Variants in RNF220 observed in about 807,000 individuals in gnomAD.
RNF220 encodes ring finger protein 220.
Under a neutral mutation model 67.1 loss-of-function variants are expected in RNF220, and 7 were observed. The observed-to-expected ratio is 0.10, with a 90% CI of 0.06 to 0.20. The LOEUF (loss-of-function observed/expected upper bound fraction) is 0.20. RNF220 is among the 10% of genes least tolerant of loss of function. The pLI, the probability that RNF220 is intolerant of heterozygous loss-of-function variation, is 1.00. For synonymous variants in RNF220, 270 were observed against 283.2 expected, an observed-to-expected ratio of 0.95 and a Z score of 0.47; for missense variants, 565 against 740.3, an observed-to-expected ratio of 0.76 and a Z score of 2.75.
At chr1:44,420,061 G>A (rs539204019) in intron 2 of RNF220, among the ~76,000 whole-genome samples, 1 of 152,266 alleles carries the variant, frequency 6.6e-6, no homozygotes, top group African/African-American at 2.4e-5. Flanking sequence ...CAAGTGATGT[G>A]GAGGTTTTGT....
At chr1:44,426,117 G>A (rs895672141) in intron 2 of RNF220, among the ~76,000 whole-genome samples, 5 of 152,146 alleles carry the variant, frequency 3.3e-5, no homozygotes, top group African/African-American at 1.2e-4. Flanking sequence ...TTTACCCTTT[G>A]CCTTTCTTCT....
At chr1:44,467,551 C>T (rs1442035492) in intron 2 of RNF220, among the ~76,000 whole-genome samples, 1 of 152,164 alleles carries the variant, frequency 6.6e-6, no homozygotes, top group African/African-American at 2.4e-5. Flanking sequence ...CATCTCTCGG[C>T]CTTCATAGAA....
At chr1:44,457,549 A>G (rs1653317407) in intron 2 of RNF220, among the ~76,000 whole-genome samples, 1 of 140,786 alleles carries the variant, frequency 7.1e-6, no homozygotes, top group Non-Finnish European at 1.5e-5. Flanking sequence ...GCGGGATACT[A>G]CTTATAACCT....
At position 44,532,904 on chromosome 1, in the gene RNF220, A is replaced by G. The variant is rs270748; in HGVS notation, c.626-81261A>G. On this transcript the variant is annotated intron_variant, in intron 2 of 14. Coordinates refer to ENST00000361799, the MANE Select transcript of RNF220 (RefSeq NM_018150.4). ...GAAGACCTTCTTGTCACAGCAGGGGAGGAAGAGGGGAGCTCCAGCTCCCTA... is the reference window on the plus strand; with the variant it reads ...GAAGACCTTCTTGTCACAGCAGGGGGGGAAGAGGGGAGCTCCAGCTCCCTA... Among the ~76,000 whole-genome samples the G allele has an allele frequency of 1.8e-3, 267 of 152,238 alleles. 2 individuals are homozygous for G. The highest frequency in any genetic ancestry group is 6.3e-3 in the African/African-American group (261 of 41,552).
chr1:44,614,070 G>T, intron 2 of RNF220, 95 bp from the exon 3 acceptor site: 1 of 1,545,824 alleles, frequency 6.5e-7, no homozygotes, highest in South Asian at 1.2e-5. Flanking sequence ...AGCCCTAGAG[G>T]GCAGCAGCAG....
intron 2 of RNF220, among the ~76,000 whole-genome samples, chr1:44,515,213 T>G (rs1239305518): frequency 6.6e-6 from 1 of 152,092 alleles, no homozygotes; most frequent in Non-Finnish European, 1.5e-5. Flanking sequence ...TCAAGACCAC[T>G]AGGGGAATCC....
chr1:44,518,538 T>C (rs1294113626), intron 2 of RNF220, among the ~76,000 whole-genome samples: 1 of 151,960 alleles, frequency 6.6e-6, no homozygotes, highest in African/African-American at 2.4e-5. Flanking sequence ...AGGCAGTGCA[T>C]GGTATTCCTG....
intron 2 of RNF220, among the ~76,000 whole-genome samples, chr1:44,604,839 T>C (rs999127427): frequency 6.6e-6 from 1 of 152,210 alleles, no homozygotes; most frequent in African/African-American, 2.4e-5. Context: ...AGTGCCAACC[T>C]TGAGTTTCTG....
At chr1:44,411,921 C>CT in intron 1 of RNF220, 60 bp from the exon 2 acceptor site, 1 of 690,032 alleles carries the variant, frequency 1.4e-6, no homozygotes. Flanking sequence ...TGGGGTTTCC[C>CT]TTTTTTTCCT....
chr1:44,492,205 C>A (rs971005536), intron 2 of RNF220, among the ~76,000 whole-genome samples: 16 of 152,202 alleles, frequency 1.1e-4, no homozygotes, highest in Admixed American at 9.8e-4. Context: ...CAAATCAAAT[C>A]CACAATGAGA....
chr1:44,632,666 A>C, intron 6 of RNF220: 1 of 552,018 alleles, frequency 1.8e-6, no homozygotes, highest in Non-Finnish European at 3.3e-6. Context: ...GAGCTACACA[A>C]TTCTACTCGG....
At position 44,650,084 on chromosome 1, in the gene RNF220, A is replaced by G. The variant is rs1253423701; in HGVS notation, c.1629+127A>G. 3.0e-6 allele frequency: 3 copies of G among 1,002,852 alleles called. No individual in the cohort carries two copies. The highest frequency in any genetic ancestry group is 5.0e-5 in the East Asian group (2 of 40,070). 62.1% of individuals were successfully genotyped at this position (1,002,852 alleles called of 1,614,324 possible). On this transcript the variant is annotated intron_variant, in intron 14 of 14. Transcript: ENST00000361799. The surrounding 1 kb of genome is among the most constrained non-coding windows in gnomAD (Gnocchi z 4.3). ...GCAAAGGAGAACAGAGCCAGGAGCCAGGATATTTACCCGCAGGATATTTAC... is the reference window on the plus strand; with the variant it reads ...GCAAAGGAGAACAGAGCCAGGAGCCGGGATATTTACCCGCAGGATATTTAC...
Position 44,551,234 on chromosome 1 carries a change from C to G in RNF220, c.626-62931C>G, listed in dbSNP as rs542032299. Among the ~76,000 whole-genome samples the G allele has an allele frequency of 3.3e-5, 5 of 150,804 alleles. No homozygotes were observed. In the East Asian group the frequency reaches 9.9e-4, roughly 30 times the overall value. On this transcript the variant is annotated intron_variant, in intron 2 of 14. Coordinates refer to ENST00000361799, the MANE Select transcript of RNF220 (RefSeq NM_018150.4). ...GATTCAAGCAATTCTCTTGCCTCAG[C>G]TTCCCAAGTAGCTGGGATTACAGGC...
chr1:44,533,403 G>A (rs1660974192), intron 2 of RNF220, among the ~76,000 whole-genome samples: 1 of 152,046 alleles, frequency 6.6e-6, no homozygotes, highest in Admixed American at 6.6e-5. Flanking sequence ...GAGGCAGGAG[G>A]ATTGCTTGAG....
intron 2 of RNF220, among the ~76,000 whole-genome samples, chr1:44,422,022 G>T (rs1292946962): frequency 6.6e-6 from 1 of 152,168 alleles, no homozygotes; most frequent in Non-Finnish European, 1.5e-5. Context: ...ACCTTTGGAA[G>T]TAAAGTGTCA....
At chr1:44,511,693 C>T (rs1031079080) in intron 2 of RNF220, among the ~76,000 whole-genome samples, 1 of 152,154 alleles carries the variant, frequency 6.6e-6, no homozygotes, top group African/African-American at 2.4e-5. Context: ...ACATACTAAG[C>T]GGGGCGCTGA....
intron 8 of RNF220, among the ~76,000 whole-genome samples, chr1:44,636,826 C>T (rs1644344696): frequency 6.6e-6 from 1 of 152,232 alleles, no homozygotes; most frequent in African/African-American, 2.4e-5. Flanking sequence ...GGGCCCTGCC[C>T]ATCTCCAGTG....
intron 2 of RNF220, among the ~76,000 whole-genome samples, chr1:44,598,673 G>A (rs1312338556): frequency 6.6e-6 from 1 of 152,130 alleles, no homozygotes; most frequent in Admixed American, 6.5e-5. Flanking sequence ...ATGTCCTGGT[G>A]TGCATGTCTG....
chr1:44,609,853 A>C (rs1447581446), intron 2 of RNF220, among the ~76,000 whole-genome samples: 3 of 152,232 alleles, frequency 2.0e-5, no homozygotes, highest in Non-Finnish European at 4.4e-5. Flanking sequence ...CTCAGCAAGG[A>C]AAAGGGACTC....
Sources: allele counts gnomAD v4.1 joint callset (sites outside exome capture counted in the v4.1 genomes callset), GRCh38; gene constraint gnomAD v4.1.1; non-coding constraint Gnocchi (gnomAD v3.1); transcripts MANE v1.5; gene names NCBI Gene and HGNC (gene_info 2026-07-23, HGNC 2026-07-21).